SPIDR: variants seen among roughly 807,000 people sequenced by gnomAD.
The protein encoded by SPIDR is DNA repair-scaffolding protein.
SPIDR carries 93 observed loss-of-function variants against 104.6 expected under a neutral mutation model. The ratio of observed to expected loss-of-function variants is 0.89; its 90% CI spans 0.75 to 1.06. The LOEUF (loss-of-function observed/expected upper bound fraction) is 1.06, where lower values mean the gene tolerates loss of function less well. Among genes scored for constraint, SPIDR ranks in the 50% least tolerant of loss-of-function variants. SPIDR has a pLI of 0.00. For synonymous variants in SPIDR, 431 were observed against 416.9 expected, an observed-to-expected ratio of 1.03 and a Z score of -0.41; for missense variants, 1,154 against 1,111.2, an observed-to-expected ratio of 1.04 and a Z score of -0.55.
chr8:47,436,873 G>C lies in SPIDR; in HGVS notation c.878-3450G>C, dbSNP rs1032637690. ...AGGATGTTTTGTAGAAAGAGCTTTAGAATGCTCAGTGTAAAGGGTAGCCCT... is the reference window on the plus strand; with the variant it reads ...AGGATGTTTTGTAGAAAGAGCTTTACAATGCTCAGTGTAAAGGGTAGCCCT... On this transcript the variant is annotated intron_variant, in intron 7 of 19. Transcript: ENST00000297423. Among the ~76,000 whole-genome samples, 6 of 152,270 alleles carry C rather than the reference G, an allele frequency of 3.9e-5. No homozygotes were observed. The South Asian group carries it at 1.2e-3, about 32-fold the overall frequency.
rs1162350125 is a variant in SPIDR at position 47,371,509 on chromosome 8, C to G, written c.526-24867C>G. Among the ~76,000 whole-genome samples the G allele has an allele frequency of 3.3e-5, 5 of 152,256 alleles. No individual in the cohort carries two copies. The East Asian group carries it at 9.7e-4, about 29-fold the overall frequency. ...TGAGGGCCCTTTTCCAGGTTGCAGT[C>G]TGCCAACTTCTCATATGCTCACATG... On this transcript the variant is annotated intron_variant, in intron 5 of 19. Transcript: ENST00000297423.
At chr8:47,495,860 C>A (rs575348928) in intron 8 of SPIDR, among the ~76,000 whole-genome samples, 12 of 152,250 alleles carry the variant, frequency 7.9e-5, no homozygotes, top group Non-Finnish European at 1.5e-4. Context: ...AGGATCAATT[C>A]TTTCCCATTG....
At position 47,420,516 on chromosome 8, in the gene SPIDR, A is replaced by G. The variant is rs1269613858; in HGVS notation, c.877+12555A>G. Reference sequence around the variant, plus strand: ...TTTGAGCCTATGTGTGTCTCTGCAAATGAGATGGGTTTCCTGAATGCAGCA... The same window carrying G: ...TTTGAGCCTATGTGTGTCTCTGCAAGTGAGATGGGTTTCCTGAATGCAGCA... On this transcript the variant is annotated intron_variant, in intron 7 of 19. Transcript: ENST00000297423. 2.2e-4 allele frequency among the ~76,000 whole-genome samples: 34 copies of G among 152,150 alleles called. No homozygotes were observed. In the South Asian group the frequency reaches 5.0e-3, roughly 22 times the overall value.
chr8:47,435,898 A>G (rs1330251635), intron 7 of SPIDR, among the ~76,000 whole-genome samples: 2 of 152,198 alleles, frequency 1.3e-5, no homozygotes, highest in Non-Finnish European at 2.9e-5. Context: ...AGGATATTTG[A>G]TTACTGGGAT....
intron 8 of SPIDR, among the ~76,000 whole-genome samples, chr8:47,459,268 G>A (rs900096000): frequency 2.0e-5 from 3 of 152,046 alleles, no homozygotes; most frequent in Non-Finnish European, 4.4e-5. Flanking sequence ...GTCTGGTCCT[G>A]GAAGTTTTTT....
chr8:47,380,108 T>C (rs1425196432), intron 5 of SPIDR, among the ~76,000 whole-genome samples: 1 of 152,242 alleles, frequency 6.6e-6, no homozygotes, highest in Admixed American at 6.5e-5. Context: ...AGATTTATTT[T>C]TAAAACATGC....
chr8:47,482,253 C>T (rs1554727714), intron 8 of SPIDR, among the ~76,000 whole-genome samples: 1 of 152,064 alleles, frequency 6.6e-6, no homozygotes, highest in Non-Finnish European at 1.5e-5. Context: ...TACATCTTTC[C>T]ATTTCTGACC....
At chr8:47,419,771 C>G (rs566461961) in intron 7 of SPIDR, among the ~76,000 whole-genome samples, 4 of 152,186 alleles carry the variant, frequency 2.6e-5, no homozygotes, top group Admixed American at 2.6e-4. Context: ...TATAAATTTC[C>G]CTCTACACAC....
At chr8:47,477,522 A>G (rs1400690593) in intron 8 of SPIDR, among the ~76,000 whole-genome samples, 2 of 152,136 alleles carry the variant, frequency 1.3e-5, no homozygotes, top group Non-Finnish European at 2.9e-5. Flanking sequence ...TAACTATTTT[A>G]TCATTCATAG....
At position 47,719,741 on chromosome 8, in the gene SPIDR, G is replaced by A. The variant is rs2083124720; in HGVS notation, c.2341+6100G>A. ...ATGCTCCTCACACCCAGGGAAGCCA[G>A]GGCCCCCACATCTCCCACACTGAAG... On this transcript the variant is annotated intron_variant, in intron 16 of 19. Coordinates refer to ENST00000297423, the MANE Select transcript of SPIDR (RefSeq NM_001080394.4). 3.3e-5 allele frequency among the ~76,000 whole-genome samples: 5 copies of A among 151,864 alleles called. No homozygotes were observed. In the South Asian group the frequency reaches 1.0e-3, roughly 32 times the overall value.
chr8:47,571,233 A>T (rs981036210), intron 8 of SPIDR, among the ~76,000 whole-genome samples: 3 of 152,208 alleles, frequency 2.0e-5, no homozygotes, highest in African/African-American at 7.2e-5. Flanking sequence ...AACGGACAGC[A>T]TGGTATCTAC....
chr8:47,643,567 T>A (rs2069611854), intron 10 of SPIDR, among the ~76,000 whole-genome samples: 1 of 152,036 alleles, frequency 6.6e-6, no homozygotes, highest in Non-Finnish European at 1.5e-5. Flanking sequence ...GGTTTCATCA[T>A]CTTGCCCAGC....
chr8:47,408,925 C>T (rs1554669191), intron 7 of SPIDR, among the ~76,000 whole-genome samples: 4 of 152,192 alleles, frequency 2.6e-5, no homozygotes, highest in Non-Finnish European at 4.4e-5. Flanking sequence ...TGATGGCTCA[C>T]GCCTGTAATC....
chr8:47,542,811 C>T (rs1564280475), intron 8 of SPIDR, among the ~76,000 whole-genome samples: 1 of 152,182 alleles, frequency 6.6e-6, no homozygotes, highest in Non-Finnish European at 1.5e-5. Flanking sequence ...AAGGATCCTT[C>T]CTGCCACTCT....
At chr8:47,465,676 C>T (rs897464558) in intron 8 of SPIDR, among the ~76,000 whole-genome samples, 1 of 152,070 alleles carries the variant, frequency 6.6e-6, no homozygotes, top group Non-Finnish European at 1.5e-5. Context: ...ATGGAGGTTG[C>T]GCTGAGCCAG....
chr8:47,449,602 G>A (rs1554704420), intron 8 of SPIDR, among the ~76,000 whole-genome samples: 1 of 152,192 alleles, frequency 6.6e-6, no homozygotes, highest in Non-Finnish European at 1.5e-5. Context: ...TCTTCTGTTG[G>A]GACAACAAGG....
intron 8 of SPIDR, among the ~76,000 whole-genome samples, chr8:47,474,939 T>G (rs962582562): frequency 2.0e-5 from 3 of 152,226 alleles, no homozygotes; most frequent in Admixed American, 1.3e-4. Context: ...AGCTTGGATT[T>G]TATCTATTGT....
At chr8:47,409,047 G>A (rs113690317) in intron 7 of SPIDR, among the ~76,000 whole-genome samples, 4,817 of 152,202 alleles carry the variant, frequency 0.032, 219 homozygotes, top group African/African-American at 0.11. Flanking sequence ...TTAGCTGGGC[G>A]TGGTGGTGCA....
At chr8:47,659,753 C>T (rs2073755046) in intron 10 of SPIDR, 4 of 982,902 alleles carry the variant, frequency 4.1e-6, no homozygotes, top group South Asian at 4.7e-5. Flanking sequence ...TCACTTCATC[C>T]TCTGATTTCT....
Sources: gnomAD v4.1 joint callset for allele counts (sites outside exome capture counted in the v4.1 genomes callset) on GRCh38, gnomAD v4.1.1 for gene constraint, MANE v1.5 for transcripts, NCBI Gene and HGNC (gene_info 2026-07-23, HGNC 2026-07-21) for gene names.